The following UGT1A7 variants were observed in gnomAD, a reference collection of about 807,000 sequenced individuals.
UGT1A7 encodes the protein UDP glucuronosyltransferase family 1 member A7.
UGT1A7 carries 33 observed loss-of-function variants against 45.6 expected under a neutral mutation model. The ratio of observed to expected loss-of-function variants is 0.72; its 90% CI spans 0.55 to 0.97. The LOEUF is 0.97. Ranked by LOEUF, UGT1A7 falls within the 50% of genes least tolerant of loss-of-function variation. The pLI is 0.00. For missense variants in UGT1A7, 684 were observed against 666.2 expected, an observed-to-expected ratio of 1.03 and a Z score of -0.29; for synonymous variants, 274 against 250.6, an observed-to-expected ratio of 1.09 and a Z score of -0.88.
chr2:233,706,195 T>A lies in UGT1A7; in HGVS notation c.855+23403T>A, dbSNP rs189206835. Among the ~76,000 whole-genome samples the A allele has an allele frequency of 5.9e-5, 9 of 152,294 alleles. No individual in the cohort carries two copies. The East Asian group carries it at 1.7e-3, about 29-fold the overall frequency. ...GTGGTGTGTCTGCCCAGGCTGCTCCTCCACAAAGCTGGCCCAGGCAGGGGC... is the reference window on the plus strand; with the variant it reads ...GTGGTGTGTCTGCCCAGGCTGCTCCACCACAAAGCTGGCCCAGGCAGGGGC... On this transcript the variant is annotated intron_variant, in intron 1 of 4. Transcript: ENST00000373426.
At chr2:233,685,612 C>G (rs948658757) in intron 1 of UGT1A7, among the ~76,000 whole-genome samples, 1 of 152,198 alleles carries the variant, frequency 6.6e-6, no homozygotes, top group Non-Finnish European at 1.5e-5. Context: ...TTATTTATTT[C>G]AACTTTTTAT....
At chr2:233,743,880 G>GC (rs1692566071) in intron 1 of UGT1A7, 1 of 1,365,832 alleles carries the variant, frequency 7.3e-7, no homozygotes, top group Non-Finnish European at 9.8e-7. Context: ...GATGAGGCCT[G>GC]CCGGGGCACG....
At chr2:233,726,183 T>C (rs1209436998) in intron 1 of UGT1A7, among the ~76,000 whole-genome samples, 1 of 152,174 alleles carries the variant, frequency 6.6e-6, no homozygotes, top group Admixed American at 6.5e-5. Flanking sequence ...TAAAAATTTC[T>C]TTGGCATATG....
intron 1 of UGT1A7, among the ~76,000 whole-genome samples, chr2:233,766,551 C>T (rs564580695): frequency 6.6e-6 from 1 of 152,328 alleles, no homozygotes; most frequent in East Asian, 1.9e-4. Flanking sequence ...TGCCTGTCCT[C>T]ACCTAGGTCC....
chr2:233,772,103 A>G (rs1436143050), intron 4 of UGT1A7, among the ~76,000 whole-genome samples, 159 bp from the exon 5 acceptor site: 1 of 152,162 alleles, frequency 6.6e-6, no homozygotes, highest in East Asian at 1.9e-4. Context: ...ACAGGGCAAG[A>G]CTCTGTATCT....
At chr2:233,712,885 A>G in intron 1 of UGT1A7, 1 of 1,601,938 alleles carries the variant, frequency 6.2e-7, no homozygotes, top group African/African-American at 1.3e-5. Flanking sequence ...CTTCAATTAC[A>G]TGTTGATTTG....
At chr2:233,710,507 A>G (rs576426640) in intron 1 of UGT1A7, among the ~76,000 whole-genome samples, 1 of 152,168 alleles carries the variant, frequency 6.6e-6, no homozygotes, top group Non-Finnish European at 1.5e-5. Flanking sequence ...CATTCCTCTT[A>G]TGACTGATGA....
At chr2:233,730,348 T>A (rs2078018262) in intron 1 of UGT1A7, among the ~76,000 whole-genome samples, 1 of 152,216 alleles carries the variant, frequency 6.6e-6, no homozygotes, top group Non-Finnish European at 1.5e-5. Flanking sequence ...TGATCCATCC[T>A]GGATTTTTTG....
intron 1 of UGT1A7, chr2:233,717,728 T>C (rs1450315023): frequency 2.2e-6 from 1 of 456,056 alleles, no homozygotes; most frequent in Non-Finnish European, 4.4e-6. Flanking sequence ...CATGAGACCA[T>C]TGTGAGTGCT....
chr2:233,743,470 G>C (rs1240539380), intron 1 of UGT1A7: 5 of 1,366,644 alleles, frequency 3.7e-6, no homozygotes, highest in Middle Eastern at 4.2e-4. Flanking sequence ...ACCCCCAAAA[G>C]CTGGAAATTC....
intron 1 of UGT1A7, chr2:233,690,911 G>T (rs2075021187): frequency 1.2e-5 from 12 of 1,021,144 alleles, no homozygotes; most frequent in Non-Finnish European, 1.3e-5. Flanking sequence ...AGTGATGTTA[G>T]TTTCATTTCT....
intron 1 of UGT1A7, among the ~76,000 whole-genome samples, chr2:233,709,390 A>G (rs2125615380): frequency 6.6e-6 from 1 of 152,282 alleles, no homozygotes; most frequent in East Asian, 1.9e-4. Flanking sequence ...ATTTCTTTTA[A>G]TAATCTATGG....
chr2:233,731,217 A>G (rs1429069865), intron 1 of UGT1A7, among the ~76,000 whole-genome samples: 2 of 151,714 alleles, frequency 1.3e-5, no homozygotes, highest in Non-Finnish European at 2.9e-5. Flanking sequence ...GTTTATTTAG[A>G]TTTGTAAAAA....
intron 1 of UGT1A7, among the ~76,000 whole-genome samples, chr2:233,749,703 T>C (rs1694254740): frequency 1.3e-5 from 2 of 151,790 alleles, no homozygotes; most frequent in Non-Finnish European, 2.9e-5. Flanking sequence ...TGGGAGGTGA[T>C]TGGATCATGG....
intron 1 of UGT1A7, chr2:233,756,058 T>C (rs1696106057): frequency 6.6e-6 from 1 of 152,218 alleles, no homozygotes; most frequent in Admixed American, 6.5e-5. Context: ...CACTGTACAC[T>C]TGTGGGAGAA....
chr2:233,711,525 A>G (rs28898593), intron 1 of UGT1A7, among the ~76,000 whole-genome samples: 3,267 of 151,616 alleles, frequency 0.022, 100 homozygotes, highest in African/African-American at 0.073. Flanking sequence ...TGTCCTCACA[A>G]CTCCCCGGGA....
At chr2:233,684,703 G>A (rs1041590972) in intron 1 of UGT1A7, among the ~76,000 whole-genome samples, 1 of 151,968 alleles carries the variant, frequency 6.6e-6, no homozygotes, top group Admixed American at 6.6e-5. Flanking sequence ...GGAAGGTTAT[G>A]TATTAATGTA....
At chr2:233,713,103 G>A (rs1256796601) in intron 1 of UGT1A7, 42 of 1,614,068 alleles carry the variant, frequency 2.6e-5, no homozygotes, top group Non-Finnish European at 3.4e-5. Flanking sequence ...GCCCACTGAT[G>A]GCAGCCACTG....
chr2:233,700,584 A>G (rs938038590), intron 1 of UGT1A7, among the ~76,000 whole-genome samples: 1 of 152,218 alleles, frequency 6.6e-6, no homozygotes, highest in Non-Finnish European at 1.5e-5. Flanking sequence ...GATGCAATTT[A>G]TTATGATACA....
Sources: allele counts gnomAD v4.1 joint callset (sites outside exome capture counted in the v4.1 genomes callset), GRCh38; gene constraint gnomAD v4.1.1; transcripts MANE v1.5; gene names NCBI Gene and HGNC (gene_info 2026-07-23, HGNC 2026-07-21).